Variants in MACROD2 observed in about 807,000 individuals in gnomAD.
MACROD2 encodes the protein ADP-ribose glycohydrolase MACROD2.
Under a neutral mutation model 70.4 loss-of-function variants are expected in MACROD2, and 36 were observed. That is an observed-to-expected ratio of 0.51 (90% CI 0.39 to 0.68). MACROD2 has a LOEUF of 0.68. MACROD2 is among the 30% of genes least tolerant of loss of function. The pLI, the probability that MACROD2 is intolerant of heterozygous loss-of-function variation, is 0.00. For synonymous variants in MACROD2, 172 were observed against 178.8 expected (o/e 0.96, Z 0.30); for missense variants, 496 against 538.4 (o/e 0.92, Z 0.78).
At chr20:14,741,302 A>G (rs1403564808) in intron 5 of MACROD2, among the ~76,000 whole-genome samples, 2 of 152,164 alleles carry the variant, frequency 1.3e-5, no homozygotes, top group Non-Finnish European at 2.9e-5. Flanking sequence ...ACAGATTTCT[A>G]AAAATTATTT....
intron 5 of MACROD2, among the ~76,000 whole-genome samples, chr20:14,981,543 T>C (rs1411164140): frequency 6.6e-6 from 1 of 152,024 alleles, no homozygotes; most frequent in Admixed American, 6.5e-5. Flanking sequence ...TTCCCACCTG[T>C]TGTGGGAGAG....
intron 3 of MACROD2, among the ~76,000 whole-genome samples, chr20:14,284,965 ACT>A (rs1453750710): frequency 1.3e-5 from 2 of 152,094 alleles, no homozygotes; most frequent in Non-Finnish European, 2.9e-5. Context: ...GATTGTAAAA[ACT>A]CTGAAAAATG....
At chr20:14,812,480 T>C (rs1422964781) in intron 5 of MACROD2, among the ~76,000 whole-genome samples, 1 of 151,862 alleles carries the variant, frequency 6.6e-6, no homozygotes, top group African/African-American at 2.4e-5. Context: ...GGTGACGGGA[T>C]GCTAGGTGCA....
intron 8 of MACROD2, among the ~76,000 whole-genome samples, chr20:15,817,569 G>A (rs1283487991): frequency 6.6e-6 from 1 of 152,126 alleles, no homozygotes; most frequent in African/African-American, 2.4e-5. Flanking sequence ...ACATACCATT[G>A]TTCACCATGC....
At chr20:15,189,721 T>TTATTA (rs1288312359) in intron 5 of MACROD2, among the ~76,000 whole-genome samples, 3 of 152,144 alleles carry the variant, frequency 2.0e-5, no homozygotes, top group Non-Finnish European at 4.4e-5. Context: ...ATAACTTAAG[T>TTATTA]ACTTATATCT....
At chr20:14,058,985 A>G (rs527866541) in intron 2 of MACROD2, among the ~76,000 whole-genome samples, 3 of 152,208 alleles carry the variant, frequency 2.0e-5, no homozygotes, top group Non-Finnish European at 2.9e-5. Context: ...TGGCTTATTC[A>G]TTTAGTTTCT....
At chr20:16,049,310 T>TA (rs1051695890) in intron 17 of MACROD2, among the ~76,000 whole-genome samples, 27 of 151,992 alleles carry the variant, frequency 1.8e-4, no homozygotes, top group Admixed American at 3.3e-4. Flanking sequence ...TTTAAAAATC[T>TA]AAAAAAAATA....
At chr20:15,101,565 G>C (rs893295784) in intron 5 of MACROD2, among the ~76,000 whole-genome samples, 8 of 122,462 alleles carry the variant, frequency 6.5e-5, no homozygotes, top group Non-Finnish European at 9.8e-5. Context: ...TGGAGTAATT[G>C]ACAGCACTAA....
chr20:15,406,562 T>C (rs193006715), intron 6 of MACROD2, among the ~76,000 whole-genome samples: 5 of 152,324 alleles, frequency 3.3e-5, no homozygotes, highest in Admixed American at 6.5e-5. Flanking sequence ...TATTTTTTAA[T>C]TAAAAGAAGA....
At chr20:14,069,914 C>T (rs537660824) in intron 2 of MACROD2, among the ~76,000 whole-genome samples, 1 of 151,632 alleles carries the variant, frequency 6.6e-6, no homozygotes, top group Non-Finnish European at 1.5e-5. Context: ...AAAGCCCTGG[C>T]TAGTATATTG....
chr20:15,715,105 T>C (rs769142868), intron 8 of MACROD2, among the ~76,000 whole-genome samples: 10 of 152,152 alleles, frequency 6.6e-5, no homozygotes, highest in Non-Finnish European at 1.3e-4. Flanking sequence ...TATTAGAAAT[T>C]AGTGTCTTTA....
At chr20:15,437,165 T>C (rs1330005816) in intron 7 of MACROD2, among the ~76,000 whole-genome samples, 2 of 152,180 alleles carry the variant, frequency 1.3e-5, no homozygotes, top group Non-Finnish European at 2.9e-5. Context: ...GGGGATTTAA[T>C]TTATGGCAGT....
At chr20:14,235,350 T>TAC (rs1310085580) in intron 3 of MACROD2, among the ~76,000 whole-genome samples, 3 of 152,152 alleles carry the variant, frequency 2.0e-5, no homozygotes, top group African/African-American at 7.2e-5. Context: ...CATGCATACA[T>TAC]ACACACACAT....
intron 7 of MACROD2, among the ~76,000 whole-genome samples, chr20:15,480,893 T>C (rs2047088115): frequency 6.6e-6 from 1 of 152,136 alleles, no homozygotes; most frequent in South Asian, 2.1e-4. Context: ...GTTACATTAT[T>C]CCCCCACACT....
chr20:14,502,284 G>A (rs1211639675), intron 4 of MACROD2, among the ~76,000 whole-genome samples: 1 of 152,142 alleles, frequency 6.6e-6, no homozygotes, highest in Non-Finnish European at 1.5e-5. Flanking sequence ...TTTTGGCACT[G>A]TTAAGAATCC....
chr20:15,854,117 G>T (rs1347213247), intron 8 of MACROD2, among the ~76,000 whole-genome samples: 2 of 152,130 alleles, frequency 1.3e-5, no homozygotes. Flanking sequence ...ATATGATGGG[G>T]TAGTCACTCT....
intron 6 of MACROD2, 67 bp from the exon 7 acceptor site, chr20:15,431,338 G>C: frequency 1.4e-6 from 2 of 1,419,420 alleles, no homozygotes; most frequent in Non-Finnish European, 2.0e-6. Flanking sequence ...AATAGATGTT[G>C]AGAAAGATGA....
intron 3 of MACROD2, among the ~76,000 whole-genome samples, chr20:14,170,342 C>T (rs560977593): frequency 6.6e-6 from 1 of 152,166 alleles, no homozygotes; most frequent in Non-Finnish European, 1.5e-5. Flanking sequence ...TTATTTCTTT[C>T]TGTTGTCTGA....
chr20:15,050,394 A>G (rs2075429731), intron 5 of MACROD2, among the ~76,000 whole-genome samples: 1 of 152,190 alleles, frequency 6.6e-6, no homozygotes, highest in African/African-American at 2.4e-5. Flanking sequence ...GATTAGTTGT[A>G]CAACATGCAT....
Sources: allele counts gnomAD v4.1 joint callset (sites outside exome capture counted in the v4.1 genomes callset), GRCh38; gene constraint gnomAD v4.1.1; transcripts MANE v1.5; gene names NCBI Gene and HGNC (gene_info 2026-07-23, HGNC 2026-07-21).